Variants in RABGAP1L observed in about 807,000 individuals in gnomAD.
The protein encoded by RABGAP1L is RAB GTPase activating protein 1 like, also known as rab GTPase-activating protein 1-like.
Under a neutral mutation model 137.7 loss-of-function variants are expected in RABGAP1L, and 63 were observed. The observed-to-expected ratio is 0.46, with a 90% CI of 0.37 to 0.56. The LOEUF (loss-of-function observed/expected upper bound fraction) is 0.56, where lower values mean the gene tolerates loss of function less well. Among genes scored for constraint, RABGAP1L ranks in the 20% least tolerant of loss-of-function variants. The pLI is 0.00. For missense variants in RABGAP1L, 1,095 were observed against 1,244.0 expected (o/e 0.88, Z 1.80); for synonymous variants, 431 against 433.7 (o/e 0.99, Z 0.08).
At chr1:174,750,356 T>C (rs1684250789) in intron 17 of RABGAP1L, among the ~76,000 whole-genome samples, 1 of 11,860 alleles carries the variant, frequency 8.4e-5, no homozygotes, top group African/African-American at 7.6e-4. Context: ...TGTCGTGATC[T>C]GAACTATTTT....
At chr1:174,252,092 A>G (rs1232280363) in intron 6 of RABGAP1L, among the ~76,000 whole-genome samples, 2 of 152,080 alleles carry the variant, frequency 1.3e-5, no homozygotes. Context: ...ATGGGGTTTT[A>G]CCATGTTGGC....
intron 11 of RABGAP1L, among the ~76,000 whole-genome samples, chr1:174,308,316 C>G (rs1019732816): frequency 1.3e-5 from 2 of 152,034 alleles, no homozygotes; most frequent in Non-Finnish European, 2.9e-5. Flanking sequence ...AATACTTTCT[C>G]TCATTCTGTA....
chr1:174,696,703 C>A (rs530657526), intron 15 of RABGAP1L, among the ~76,000 whole-genome samples: 8 of 152,256 alleles, frequency 5.3e-5, no homozygotes, highest in African/African-American at 1.9e-4. Context: ...CTCTCCCTTT[C>A]CCAAGTGCAT....
At chr1:174,391,273 T>C (rs1687189481) in intron 12 of RABGAP1L, among the ~76,000 whole-genome samples, 1 of 152,126 alleles carries the variant, frequency 6.6e-6, no homozygotes, top group Admixed American at 6.5e-5. Flanking sequence ...TTGCACAGGG[T>C]AAGAGTGTGA....
intron 3 of RABGAP1L, among the ~76,000 whole-genome samples, chr1:174,223,232 C>T (rs142223858): frequency 0.015 from 2,025 of 135,336 alleles, 62 homozygotes; most frequent in African/African-American, 0.053. Flanking sequence ...TGCACCATTG[C>T]ACTCCAGCCT....
At chr1:174,311,728 T>G (rs1678872916) in intron 11 of RABGAP1L, among the ~76,000 whole-genome samples, 1 of 152,216 alleles carries the variant, frequency 6.6e-6, no homozygotes, top group Admixed American at 6.5e-5. Flanking sequence ...TGCCTCAGCC[T>G]TCTGAGTAGC....
At chr1:174,763,277 G>A (rs1317811404) in intron 18 of RABGAP1L, among the ~76,000 whole-genome samples, 1 of 151,996 alleles carries the variant, frequency 6.6e-6, no homozygotes, top group Non-Finnish European at 1.5e-5. Flanking sequence ...CCAGCACTTT[G>A]GGAGGCTGAG....
At chr1:174,309,372 G>T (rs558117375) in intron 11 of RABGAP1L, among the ~76,000 whole-genome samples, 1 of 151,996 alleles carries the variant, frequency 6.6e-6, no homozygotes, top group South Asian at 2.1e-4. Flanking sequence ...AATTGCTTTG[G>T]CCAGGACTCA....
At chr1:174,686,766 C>T (rs1371838894) in intron 15 of RABGAP1L, among the ~76,000 whole-genome samples, 1 of 148,828 alleles carries the variant, frequency 6.7e-6, no homozygotes, top group African/African-American at 2.5e-5. Flanking sequence ...AAGCGATTCT[C>T]CTGCCCCAGC....
chr1:174,889,451 C>A (rs551219226), intron 19 of RABGAP1L, among the ~76,000 whole-genome samples: 2 of 152,202 alleles, frequency 1.3e-5, no homozygotes, highest in Admixed American at 6.5e-5. Context: ...GACAGGTTCT[C>A]TCTCTGTTAC....
rs887464568 is a variant in RABGAP1L, at chr1:174,514,223, T to A, written c.1710+120078T>A. ...TTTGTGATACTGGATTTTTAAATCA[T>A]GAAGCATGTGTTATATTTTAAGCCA... On this transcript the variant is annotated intron_variant, in intron 13 of 25. Transcript: ENST00000681986. Among the ~76,000 whole-genome samples the A allele has an allele frequency of 3.1e-5, 4 of 130,582 alleles. No individual in the cohort carries two copies. The East Asian group carries it at 8.7e-4, about 28-fold the overall frequency. 85.7% of individuals were successfully genotyped at this position (130,582 alleles called of 152,430 possible).
intron 13 of RABGAP1L, among the ~76,000 whole-genome samples, chr1:174,488,694 C>T (rs1659913036): frequency 6.6e-6 from 1 of 151,844 alleles, no homozygotes; most frequent in South Asian, 2.1e-4. Context: ...CTCTGTAAAT[C>T]TTCTAGGTGT....
At chr1:174,949,303 T>G (rs1336540504) in intron 19 of RABGAP1L, among the ~76,000 whole-genome samples, 1 of 152,228 alleles carries the variant, frequency 6.6e-6, no homozygotes, top group Non-Finnish European at 1.5e-5. Context: ...AAAGATTTAG[T>G]ACAGCAACTA....
intron 13 of RABGAP1L, among the ~76,000 whole-genome samples, chr1:174,456,332 G>C (rs536681741): frequency 1.2e-4 from 19 of 152,172 alleles, no homozygotes; most frequent in Admixed American, 7.8e-4. Context: ...AGTGTTTGCT[G>C]TGTATTCTAA....
At chr1:174,872,750 A>T (rs148983017) in intron 19 of RABGAP1L, among the ~76,000 whole-genome samples, 9 of 152,232 alleles carry the variant, frequency 5.9e-5, no homozygotes, top group African/African-American at 1.9e-4. Context: ...TATGTTGCCC[A>T]GGCTGGTTTT....
intron 13 of RABGAP1L, among the ~76,000 whole-genome samples, chr1:174,498,974 G>A (rs1661001083): frequency 6.6e-6 from 1 of 151,752 alleles, no homozygotes; most frequent in South Asian, 2.1e-4. Context: ...ATAACATTAG[G>A]AATTATTTTA....
At chr1:174,562,709 ATGGATG>A (rs1557851524) in intron 13 of RABGAP1L, among the ~76,000 whole-genome samples, 1 of 152,208 alleles carries the variant, frequency 6.6e-6, no homozygotes. Flanking sequence ...TTGCAAGTAC[ATGGATG>A]AAGGTGGAAA....
At chr1:174,280,816 C>CTGACTTCAAG (rs1362538106) in intron 10 of RABGAP1L, among the ~76,000 whole-genome samples, 1 of 152,210 alleles carries the variant, frequency 6.6e-6, no homozygotes, top group Non-Finnish European at 1.5e-5. Flanking sequence ...CTTGGTCTTG[C>CTGACTTCAAG]TGACTTCAAG....
chr1:174,899,261 C>A (rs750436460), intron 19 of RABGAP1L, among the ~76,000 whole-genome samples: 1 of 152,036 alleles, frequency 6.6e-6, no homozygotes, highest in Non-Finnish European at 1.5e-5. Context: ...ATAAATGGAT[C>A]GTAGAGTGCA....
Sources: gnomAD v4.1 joint callset for allele counts (sites outside exome capture counted in the v4.1 genomes callset) on GRCh38, gnomAD v4.1.1 for gene constraint, MANE v1.5 for transcripts, NCBI Gene and HGNC (gene_info 2026-07-23, HGNC 2026-07-21) for gene names.